MTUS2: variants seen among roughly 807,000 people sequenced by gnomAD.
MTUS2 encodes microtubule-associated tumor suppressor candidate 2.
Under a neutral mutation model 114.1 loss-of-function variants are expected in MTUS2, and 40 were observed. The observed-to-expected ratio is 0.35, with a 90% CI of 0.27 to 0.46. The LOEUF is 0.46. Among genes scored for constraint, MTUS2 ranks in the 20% least tolerant of loss-of-function variants. MTUS2 has a pLI of 1.00. For missense variants in MTUS2, 1,679 were observed against 1,705.4 expected (o/e 0.98, Z 0.27); for synonymous variants, 688 against 672.0 (o/e 1.02, Z -0.37).
chr13:28,999,252 T>G (rs1885269979), intron 2 of MTUS2, among the ~76,000 whole-genome samples: 1 of 152,062 alleles, frequency 6.6e-6, no homozygotes, highest in Non-Finnish European at 1.5e-5. Context: ...CCTCTGGAAG[T>G]TTTGTCTCAG....
chr13:29,237,180 T>C (rs1199714863), intron 5 of MTUS2, among the ~76,000 whole-genome samples: 1 of 152,218 alleles, frequency 6.6e-6, no homozygotes, highest in Admixed American at 6.5e-5. Flanking sequence ...AAAGGGTTCT[T>C]TAACATTTTA....
intron 4 of MTUS2, 40 bp from the exon 5 acceptor site, chr13:29,100,733 A>G: frequency 6.5e-7 from 1 of 1,543,774 alleles, no homozygotes. Context: ...CTCATTATGA[A>G]CTGAGAATAA....
intron 6 of MTUS2, among the ~76,000 whole-genome samples, chr13:29,323,932 C>G (rs1900366989): frequency 6.6e-6 from 1 of 152,216 alleles, no homozygotes; most frequent in Non-Finnish European, 1.5e-5. Context: ...TGCTGTTTGA[C>G]TTTCTGACAA....
chr13:29,042,279 C>G (rs866975330), intron 4 of MTUS2, among the ~76,000 whole-genome samples: 4 of 152,046 alleles, frequency 2.6e-5, no homozygotes, highest in Middle Eastern at 3.2e-3. Flanking sequence ...TATTAACTTG[C>G]TTATGTTAAA....
At chr13:29,427,424 T>C (rs1428807515) in intron 8 of MTUS2, among the ~76,000 whole-genome samples, 2 of 152,222 alleles carry the variant, frequency 1.3e-5, no homozygotes, top group Non-Finnish European at 1.5e-5. Flanking sequence ...GAATTGAAGA[T>C]CCTTATGCAT....
At chr13:28,957,944 C>T (rs143444347) in intron 2 of MTUS2, among the ~76,000 whole-genome samples, 21 of 152,262 alleles carry the variant, frequency 1.4e-4, no homozygotes, top group Non-Finnish European at 2.5e-4. Flanking sequence ...AGACATGTGA[C>T]AAAACTGTAA....
intron 2 of MTUS2, among the ~76,000 whole-genome samples, chr13:28,903,234 T>C (rs1437398434): frequency 6.6e-6 from 1 of 151,898 alleles, no homozygotes; most frequent in African/African-American, 2.4e-5. Context: ...TAATTTGCAG[T>C]TGACAGTTCT....
chr13:28,883,157 C>T (rs1411493794), intron 2 of MTUS2, among the ~76,000 whole-genome samples: 3 of 152,180 alleles, frequency 2.0e-5, no homozygotes, highest in Non-Finnish European at 4.4e-5. Context: ...ATACCACATA[C>T]TGCTGAGAAA....
intron 8 of MTUS2, among the ~76,000 whole-genome samples, chr13:29,403,220 G>A (rs887614270): frequency 6.6e-6 from 1 of 152,054 alleles, no homozygotes; most frequent in East Asian, 1.9e-4. Flanking sequence ...ATAAGAACTG[G>A]CCACTACTTT....
chr13:29,050,906 G>A (rs932683688), intron 4 of MTUS2, among the ~76,000 whole-genome samples: 2 of 152,222 alleles, frequency 1.3e-5, no homozygotes, highest in African/African-American at 4.8e-5. Flanking sequence ...AATAAAGCCA[G>A]TGTGGGTGGA....
chr13:28,869,964 TTTA>T (rs1877521500), intron 2 of MTUS2, among the ~76,000 whole-genome samples: 1 of 152,212 alleles, frequency 6.6e-6, no homozygotes, highest in African/African-American at 2.4e-5. Flanking sequence ...ATAAAATTCT[TTTA>T]TATGCATTTT....
intron 5 of MTUS2, among the ~76,000 whole-genome samples, chr13:29,250,951 G>A (rs982463652): frequency 1.3e-5 from 2 of 152,148 alleles, no homozygotes; most frequent in African/African-American, 4.8e-5. Context: ...GAGCAGCACT[G>A]ATACTGCTGT....
chr13:28,823,538 A>G (rs185702048), intron 1 of MTUS2, among the ~76,000 whole-genome samples: 118 of 152,176 alleles, frequency 7.8e-4, no homozygotes, highest in African/African-American at 2.7e-3. Context: ...TCTACCATCC[A>G]CCCACCCATC....
At chr13:29,289,885 C>T (rs1898636218) in intron 6 of MTUS2, among the ~76,000 whole-genome samples, 2 of 152,142 alleles carry the variant, frequency 1.3e-5, no homozygotes, top group African/African-American at 4.8e-5. Flanking sequence ...TTTAATGAAA[C>T]CTACCATGTA....
At chr13:29,158,358 C>CCCCCTTTTTTTT in intron 5 of MTUS2, among the ~76,000 whole-genome samples, 1 of 32,050 alleles carries the variant, frequency 3.1e-5, no homozygotes, top group African/African-American at 2.1e-4. Context: ...GTCCACCCCG[C>CCCCCTTTTTTTT]TTTTTTTTTT....
At chr13:29,403,847 C>A (rs150609500) in intron 8 of MTUS2, among the ~76,000 whole-genome samples, 207 of 152,210 alleles carry the variant, frequency 1.4e-3, no homozygotes, top group African/African-American at 4.8e-3. Flanking sequence ...CCATCTATCT[C>A]CCTACCTATC....
At chr13:29,277,903 A>G (rs560398225) in intron 5 of MTUS2, among the ~76,000 whole-genome samples, 1 of 152,384 alleles carries the variant, frequency 6.6e-6, no homozygotes, top group South Asian at 2.1e-4. Flanking sequence ...CATGCAAGGC[A>G]GCAGCCCATC....
chr13:29,424,119 C>G (rs9508447), intron 8 of MTUS2, among the ~76,000 whole-genome samples: 13,471 of 151,776 alleles, frequency 0.089, 833 homozygotes, highest in Non-Finnish European at 0.14. Context: ...CTGCCCACCT[C>G]GGCCTCCATA....
At chr13:29,439,625 A>G (rs1258627631) in intron 8 of MTUS2, among the ~76,000 whole-genome samples, 2 of 152,228 alleles carry the variant, frequency 1.3e-5, no homozygotes, top group East Asian at 1.9e-4. Context: ...ATGGTCGGAA[A>G]TCTCATAGTA....
Sources: gnomAD v4.1 joint callset for allele counts (sites outside exome capture counted in the v4.1 genomes callset) on GRCh38, gnomAD v4.1.1 for gene constraint, MANE v1.5 for transcripts, NCBI Gene and HGNC (gene_info 2026-07-23, HGNC 2026-07-21) for gene names.